The following SNX27 variants were observed in gnomAD, a reference collection of about 807,000 sequenced individuals.
SNX27 encodes the protein sorting nexin 27, also known as sorting nexin-27.
Under a neutral mutation model 71.6 loss-of-function variants are expected in SNX27, and 22 were observed. The observed-to-expected ratio is 0.31, with a 90% CI of 0.22 to 0.44. The LOEUF (loss-of-function observed/expected upper bound fraction) is 0.44, where lower values mean the gene tolerates loss of function less well. Among genes scored for constraint, SNX27 ranks in the 20% least tolerant of loss-of-function variants. The pLI, the probability that SNX27 is intolerant of heterozygous loss-of-function variation, is 1.00. For missense variants in SNX27, 531 were observed against 698.6 expected (o/e 0.76, Z 2.70); for synonymous variants, 269 against 277.2 (o/e 0.97, Z 0.29).
chr1:151,665,213 T>G (rs995252347), intron 5 of SNX27, among the ~76,000 whole-genome samples: 3 of 152,236 alleles, frequency 2.0e-5, no homozygotes, highest in African/African-American at 7.2e-5. Context: ...TTGTATGTAA[T>G]TGTCATTTAT....
chr1:151,646,793 C>G (rs1368469329), intron 2 of SNX27, among the ~76,000 whole-genome samples: 2 of 151,374 alleles, frequency 1.3e-5, no homozygotes, highest in Non-Finnish European at 2.9e-5. Context: ...CTAACTTTAC[C>G]CCACTGTAGT....
chr1:151,658,116 T>G, intron 2 of SNX27, 119 bp from the exon 3 acceptor site: 1 of 848,692 alleles, frequency 1.2e-6, no homozygotes, highest in Non-Finnish European at 1.8e-6. Context: ...AGCTTGAATA[T>G]AGTCTTTGTT....
chr1:151,618,905 G>A (rs945230951), intron 1 of SNX27, among the ~76,000 whole-genome samples: 1 of 151,722 alleles, frequency 6.6e-6, no homozygotes, highest in African/African-American at 2.4e-5. Flanking sequence ...GGTTGGTACA[G>A]TTCAGCCCAC....
intron 5 of SNX27, among the ~76,000 whole-genome samples, chr1:151,664,576 A>G (rs1420034721): frequency 6.6e-6 from 1 of 152,118 alleles, no homozygotes; most frequent in African/African-American, 2.4e-5. Context: ...TGCCTTTTCA[A>G]TGGCCTTTAA....
At chr1:151,637,421 A>G (rs1011910629) in intron 1 of SNX27, among the ~76,000 whole-genome samples, 1 of 151,380 alleles carries the variant, frequency 6.6e-6, no homozygotes, top group Non-Finnish European at 1.5e-5. Context: ...CTTGTGATCC[A>G]CCCGCCTCGG....
At chr1:151,686,366 A>C (rs900345660) in intron 8 of SNX27, among the ~76,000 whole-genome samples, 1 of 152,262 alleles carries the variant, frequency 6.6e-6, no homozygotes, top group Non-Finnish European at 1.5e-5. Context: ...TAATAAACAC[A>C]GTAATCTATT....
At chr1:151,659,601 T>G (rs1669865740) in intron 3 of SNX27, 1 of 152,286 alleles carries the variant, frequency 6.6e-6, no homozygotes, top group Non-Finnish European at 1.5e-5. Context: ...ATCAGGAGTC[T>G]GTGGATGTGG....
intron 2 of SNX27, among the ~76,000 whole-genome samples, chr1:151,647,370 G>T: frequency 6.7e-6 from 1 of 149,720 alleles, no homozygotes; most frequent in Non-Finnish European, 1.5e-5. Flanking sequence ...GGCTGGTCTC[G>T]AACTCCTGAC....
Position 151,628,110 on chromosome 1 carries a change from G to A in SNX27, c.312-10778G>A, listed in dbSNP as rs549060806. Among the ~76,000 whole-genome samples, 6 of 151,004 alleles carry A rather than the reference G, an allele frequency of 4.0e-5. No homozygotes were observed. The South Asian group carries it at 1.3e-3, about 32-fold the overall frequency. The stretch of plus-strand genomic sequence containing the variant: ...CAACCTACACCTCCTGGGTTCAAGC[G>A]ATTCTCCTGCCGCAGCCTCTTGAGT... On this transcript the variant is annotated intron_variant, in intron 1 of 11. Coordinates refer to ENST00000458013, the MANE Select transcript of SNX27 (RefSeq NM_001330723.2).
intron 2 of SNX27, among the ~76,000 whole-genome samples, chr1:151,654,273 A>G (rs985933812): frequency 3.0e-4 from 46 of 152,128 alleles, no homozygotes; most frequent in African/African-American, 1.1e-3. Flanking sequence ...GGCTAGACTC[A>G]TGGTAGAGGT....
intron 1 of SNX27, among the ~76,000 whole-genome samples, chr1:151,633,317 GAC>G (rs1170116801): frequency 2.0e-5 from 3 of 151,764 alleles, no homozygotes; most frequent in Non-Finnish European, 4.4e-5. Context: ...TTTTTTTCCT[GAC>G]ACAGAGTCTC....
At chr1:151,660,656 C>A in intron 3 of SNX27, 142 bp from the exon 4 acceptor site, 1 of 632,650 alleles carries the variant, frequency 1.6e-6, no homozygotes, top group South Asian at 1.8e-5. Context: ...ATATACCAGA[C>A]ATGGTTTGCT....
intron 2 of SNX27, among the ~76,000 whole-genome samples, chr1:151,644,447 G>A (rs1300231245): frequency 6.6e-6 from 1 of 152,178 alleles, no homozygotes; most frequent in African/African-American, 2.4e-5. Flanking sequence ...TATTCAAGTT[G>A]TAGCATGCAT....
chr1:151,621,105 A>T (rs542830879), intron 1 of SNX27, among the ~76,000 whole-genome samples: 1 of 152,214 alleles, frequency 6.6e-6, no homozygotes, highest in Admixed American at 6.5e-5. Context: ...CTTAATACCT[A>T]CCTTCAAAAT....
intron 5 of SNX27, among the ~76,000 whole-genome samples, chr1:151,664,484 C>T (rs1311279557): frequency 6.6e-6 from 1 of 151,926 alleles, no homozygotes; most frequent in Non-Finnish European, 1.5e-5. Flanking sequence ...TAGGACATTT[C>T]CCTAAGGAGT....
intron 2 of SNX27, among the ~76,000 whole-genome samples, chr1:151,640,815 A>G (rs2102636546): frequency 6.6e-6 from 1 of 152,288 alleles, no homozygotes; most frequent in Non-Finnish European, 1.5e-5. Context: ...AAGATTTAGA[A>G]TATTTTCATA....
intron 7 of SNX27, among the ~76,000 whole-genome samples, 158 bp downstream of exon 7, chr1:151,668,793 A>G (rs1196288351): frequency 6.6e-6 from 1 of 152,212 alleles, no homozygotes; most frequent in Non-Finnish European, 1.5e-5. Flanking sequence ...AAAGATAAAT[A>G]ATAGATAAGT....
intron 4 of SNX27, chr1:151,661,495 A>G (rs1321477458): frequency 6.6e-6 from 1 of 152,336 alleles, no homozygotes; most frequent in Non-Finnish European, 1.5e-5. Context: ...AAAGTGGTAA[A>G]TGAAAATGGA....
rs1273869179 is a variant in SNX27, at chr1:151,695,382, C to T, written c.*965C>T. 3.6e-5 allele frequency: 5 copies of T among 137,162 alleles called. No homozygotes were observed. Among genetic ancestry groups the T allele is most frequent in the African/African-American group, 5.5e-5 (2 of 36,242 alleles). The allele number at this position is 137,162 out of a possible 1,614,324, so 8.5% of individuals were successfully genotyped here. A position where few individuals can be genotyped will look rare whatever the true frequency, so the allele number is the denominator to read the frequency against. On this transcript the variant is annotated 3_prime_UTR_variant, in exon 12 of 12. Transcript: ENST00000458013. The stretch of plus-strand genomic sequence containing the variant: ...ATGGGAACCTGAACCTGAAACACTT[C>T]ATGGTAGTAATTTCCTGTTTTCCTT...
Sources: allele counts gnomAD v4.1 joint callset (sites outside exome capture counted in the v4.1 genomes callset), GRCh38; gene constraint gnomAD v4.1.1; transcripts MANE v1.5; gene names NCBI Gene and HGNC (gene_info 2026-07-23, HGNC 2026-07-21).